The following EPHA10 variants were observed in gnomAD, a reference collection of about 807,000 sequenced individuals.
The protein encoded by EPHA10 is ephrin type-A receptor 10.
EPHA10 carries 120 observed loss-of-function variants against 109.7 expected under a neutral mutation model. The ratio of observed to expected loss-of-function variants is 1.09; its 90% CI spans 0.94 to 1.27. The LOEUF (loss-of-function observed/expected upper bound fraction) is 1.27. Ranked by LOEUF, EPHA10 falls within the 50% of genes most tolerant of loss-of-function variation. The probability of loss-of-function intolerance (pLI) is 0.00; values close to 1 mark genes in which losing one functional copy is unlikely to be tolerated. For synonymous variants in EPHA10, 640 were observed against 618.9 expected (o/e 1.03, Z -0.51); for missense variants, 1,396 against 1,411.1 (o/e 0.99, Z 0.17).
chr1:37,715,723 T>C (rs1645680528), downstream of EPHA10: 1 of 340,042 alleles, frequency 2.9e-6, no homozygotes, highest in Non-Finnish European at 5.7e-6. Context: ...TCCCTGGTTC[T>C]ACTGCTCCTG....
In EPHA10 at chr1:37,754,706, T is replaced by G. The variant is rs1274137049; in HGVS notation, c.851-336A>C. Among the ~76,000 whole-genome samples, 3 of 152,058 alleles carry G rather than the reference T, an allele frequency of 2.0e-5. No homozygotes were observed. Among genetic ancestry groups the G allele is most frequent in the Non-Finnish European group, 4.4e-5 (3 of 68,016 alleles). Reference sequence around the variant, plus strand: ...GCCTGGACAACATGGCCAAACCCCGTCTCTATTTATTATTTTTTAAATTAC... The same window carrying G: ...GCCTGGACAACATGGCCAAACCCCGGCTCTATTTATTATTTTTTAAATTAC... On this transcript the variant is annotated intron_variant, in intron 3 of 16. Coordinates refer to ENST00000373048, the MANE Select transcript of EPHA10 (RefSeq NM_001099439.2). This position sits in a 1 kb window ranked among gnomAD's most constrained non-coding sequence, Gnocchi z 4.5.
chr1:37,733,746 A>C (rs1646026343), intron 6 of EPHA10, among the ~76,000 whole-genome samples: 1 of 149,262 alleles, frequency 6.7e-6, no homozygotes. Context: ...CCTCTCCCCC[A>C]ATTTCTCCCC....
chr1:37,718,647 T>G lies in EPHA10; in HGVS notation c.2912+14A>C, dbSNP rs1645732394. 6.2e-7 allele frequency: 1 copy of G among 1,613,004 alleles called. No individual in the cohort carries two copies. Among genetic ancestry groups the G allele is most frequent in the African/African-American group, 1.3e-5 (1 of 74,934 alleles). On this transcript the variant is annotated intron_variant, in intron 16 of 16. Coordinates refer to ENST00000373048, the MANE Select transcript of EPHA10 (RefSeq NM_001099439.2). ...CCCCCAGCCCCGGCCTTGACCTTGG[T>G]GCCTTGGACTCACTGGGCAGTCATC...
Position 37,764,869 on chromosome 1 carries a change from C to G in EPHA10, c.106+92G>C. ...TTCAAGCCCCAATACAGACTCTAGT[C>G]TCTCCAATGACTCCTTCCCCCAGAA... On this transcript the variant is annotated intron_variant, in intron 1 of 16. Coordinates refer to ENST00000373048, the MANE Select transcript of EPHA10 (RefSeq NM_001099439.2). The surrounding 1 kb of genome is among the most constrained non-coding windows in gnomAD (Gnocchi z 5.8). 8.7e-7 allele frequency: 1 copy of G among 1,152,922 alleles called. No homozygotes were observed. The highest frequency in any genetic ancestry group is 1.5e-5 in the African/African-American group (1 of 65,248). The allele number at this position is 1,152,922 out of a possible 1,614,324, so 71.4% of individuals were successfully genotyped here.
chr1:37,751,084 A>T (rs1231746407), intron 5 of EPHA10, among the ~76,000 whole-genome samples: 1 of 151,648 alleles, frequency 6.6e-6, no homozygotes, highest in Non-Finnish European at 1.5e-5. Flanking sequence ...ATGCCCCTGT[A>T]GTCCCAGTTA....
At chr1:37,734,883 A>G (rs896311008) in intron 6 of EPHA10, among the ~76,000 whole-genome samples, 3 of 152,250 alleles carry the variant, frequency 2.0e-5, no homozygotes, top group Non-Finnish European at 4.4e-5. Flanking sequence ...ATGGTCAGGC[A>G]CTTTTGTAAA....
intron 3 of EPHA10, chr1:37,761,002 T>G (rs776114219): frequency 2.2e-4 from 71 of 317,032 alleles, no homozygotes; most frequent in Non-Finnish European, 3.2e-4. Flanking sequence ...GAGAATTGCT[T>G]GAACCCAGGA....
Position 37,763,621 on chromosome 1 carries a change from C to T in EPHA10, c.107-772G>A, listed in dbSNP as rs140315635. On this transcript the variant is annotated intron_variant, in intron 1 of 16. Transcript: ENST00000373048. Reference sequence around the variant, plus strand: ...TGGGGGTGGGAGTCAGTGACTCTCCCCAGCCTTCTTAGGTTCCCAAAATTA... The same window carrying T: ...TGGGGGTGGGAGTCAGTGACTCTCCTCAGCCTTCTTAGGTTCCCAAAATTA... 2.0e-3 allele frequency among the ~76,000 whole-genome samples: 311 copies of T among 152,066 alleles called. 1 individual carries two copies. Among genetic ancestry groups the T allele is most frequent in the African/African-American group, 7.0e-3 (292 of 41,434 alleles).
chr1:37,730,692 AATCCTT>A (rs1645967236), intron 7 of EPHA10, among the ~76,000 whole-genome samples: 1 of 151,714 alleles, frequency 6.6e-6, no homozygotes, highest in South Asian at 2.1e-4. Context: ...TAAGTTACAC[AATCCTT>A]CTTTTTTTTT....
intron 7 of EPHA10, among the ~76,000 whole-genome samples, 196 bp from the exon 8 acceptor site, chr1:37,727,406 C>T (rs1645912820): frequency 6.6e-6 from 1 of 152,226 alleles, no homozygotes; most frequent in Non-Finnish European, 1.5e-5. Flanking sequence ...TTCCTCTGCT[C>T]TCAGGGCAGA....
At chr1:37,727,270 G>C (rs1485946958) in intron 7 of EPHA10, 60 bp from the exon 8 acceptor site, 3 of 1,392,020 alleles carry the variant, frequency 2.2e-6, no homozygotes, top group Non-Finnish European at 2.9e-6. Flanking sequence ...GCAAGCCCCA[G>C]GGCAGACTCC....
Position 37,762,859 on chromosome 1 carries a change from G to C in EPHA10, c.107-10C>G. 1 of 1,550,052 alleles carries C rather than the reference G, an allele frequency of 6.5e-7. No homozygotes were observed. ...GAATCCAGGAGGATAACTAAGGAGA[G>C]GGGAAGACAGAAATATCAGAAATCG... is the stretch of plus-strand genomic sequence containing the variant. On this transcript the variant is annotated splice_polypyrimidine_tract_variant and intron_variant, in intron 1 of 16. Coordinates refer to ENST00000373048, the MANE Select transcript of EPHA10 (RefSeq NM_001099439.2).
At chr1:37,723,730 G>A (rs536320052) in intron 8 of EPHA10, among the ~76,000 whole-genome samples, 38 of 152,360 alleles carry the variant, frequency 2.5e-4, no homozygotes, top group African/African-American at 6.7e-4. Context: ...TCCAGCACTC[G>A]GGGGCAGCTT....
chr1:37,726,213 G>A (rs1315210291), intron 8 of EPHA10, among the ~76,000 whole-genome samples: 1 of 152,216 alleles, frequency 6.6e-6, no homozygotes, highest in Non-Finnish European at 1.5e-5. Context: ...AACGGGTCCA[G>A]CACATGGACC....
chr1:37,718,919 G>C lies in EPHA10; in HGVS notation c.2757-103C>G, dbSNP rs930254361. ...GCTGAGGATGGACAGGAGAAGGGGA[G>C]GGTAACCGGGCCCCAGGGCTGGATC... is the stretch of plus-strand genomic sequence containing the variant. On this transcript the variant is annotated intron_variant, in intron 15 of 16. Coordinates refer to ENST00000373048, the MANE Select transcript of EPHA10 (RefSeq NM_001099439.2). The C allele has an allele frequency of 5.6e-6, 8 of 1,428,798 alleles. No individual in the cohort carries two copies. The East Asian group carries it at 2.0e-4, about 35-fold the overall frequency. 88.5% of individuals were successfully genotyped at this position (1,428,798 alleles called of 1,614,324 possible).
Position 37,720,805 on chromosome 1 carries a change from C to T in EPHA10, c.2186G>A (p.Gly729Glu), listed in dbSNP as rs758653010. ...CACCCTGAGGAAGCCGTCCAGGGCCCCATGGCTCATGTACTCGGTGACAAT... is the reference window on the plus strand; with the variant it reads ...CACCCTGAGGAAGCCGTCCAGGGCCTCATGGCTCATGTACTCGGTGACAAT... ...LMIVTEYMSH[G>E]ALDGFLRRHE... is the part of the protein sequence containing the mutation. Residue 729 changes from glycine (G) to glutamate (E), a missense_variant, in exon 12 of 17, where the codon GGG becomes GAG. Gly to Glu is a moderately conservative substitution (Grantham distance 98). Transcript: ENST00000373048. 1 of 1,614,086 alleles carries T rather than the reference C, an allele frequency of 6.2e-7. No homozygotes were observed. The highest frequency in any genetic ancestry group is 8.5e-7 in the Non-Finnish European group (1 of 1,180,014).
At chr1:37,741,736 C>G (rs1408047052) in intron 5 of EPHA10, among the ~76,000 whole-genome samples, 1 of 150,590 alleles carries the variant, frequency 6.6e-6, no homozygotes, top group East Asian at 2.0e-4. Flanking sequence ...TCCTTTATTC[C>G]TCCCTTCAGT....
At chr1:37,760,288 C>A in intron 3 of EPHA10, 1 of 1,033,820 alleles carries the variant, frequency 9.7e-7, no homozygotes, top group East Asian at 6.0e-5. Flanking sequence ...AAAAGCATAC[C>A]TTGATCTTTC....
At chr1:37,725,260 T>G (rs546776639) in intron 8 of EPHA10, among the ~76,000 whole-genome samples, 1 of 152,190 alleles carries the variant, frequency 6.6e-6, no homozygotes, top group East Asian at 1.9e-4. Context: ...ATCCCAGCAC[T>G]TTGGGAGGCT....
Sources: gnomAD v4.1 joint callset for allele counts (sites outside exome capture counted in the v4.1 genomes callset) on GRCh38, gnomAD v4.1.1 for gene constraint, Gnocchi (gnomAD v3.1) non-coding constraint, MANE v1.5 for transcripts, NCBI Gene and HGNC (gene_info 2026-07-23, HGNC 2026-07-21) for gene names.